KLHL5: variants seen among roughly 807,000 people sequenced by gnomAD.
KLHL5 encodes kelch-like protein 5.
In KLHL5, 48 loss-of-function variants were observed where a neutral mutation model predicts 77.7. That is an observed-to-expected ratio of 0.62 (90% CI 0.49 to 0.79). KLHL5 has a LOEUF of 0.79. Among genes scored for constraint, KLHL5 ranks in the 30% least tolerant of loss-of-function variants. The probability of loss-of-function intolerance (pLI) is 0.00; values close to 1 mark genes in which losing one functional copy is unlikely to be tolerated. For synonymous variants in KLHL5, 260 were observed against 297.0 expected (o/e 0.88, Z 1.28); for missense variants, 723 against 859.7 (o/e 0.84, Z 1.99).
chr4:39,046,759 G>T (rs930876125), intron 1 of KLHL5, among the ~76,000 whole-genome samples: 2 of 152,068 alleles, frequency 1.3e-5, no homozygotes. Context: ...TCTTTAAAAC[G>T]CCCCTAAGGA....
In KLHL5 at chr4:39,125,593, C is replaced by T. The variant is rs1723493184; in HGVS notation, c.*4527C>T. ...TTTTTGCCAAGTGAAAGAAGGCAGA[C>T]ACAAAAGGCAACGTATTGCATGAGT... On this transcript the variant is annotated 3_prime_UTR_variant, in exon 11 of 11. Coordinates refer to ENST00000504108, the MANE Select transcript of KLHL5 (RefSeq NM_015990.5). Among the ~76,000 whole-genome samples the T allele has an allele frequency of 6.6e-6, 1 of 152,076 alleles. No individual in the cohort carries two copies. The highest frequency in any genetic ancestry group is 1.5e-5 in the Non-Finnish European group (1 of 68,030).
chr4:39,064,023 CT>C (rs1293304495), intron 1 of KLHL5, among the ~76,000 whole-genome samples: 2 of 152,084 alleles, frequency 1.3e-5, no homozygotes, highest in African/African-American at 4.8e-5. Flanking sequence ...CTTAAAATTT[CT>C]GTGCAGCTTT....
intron 10 of KLHL5, among the ~76,000 whole-genome samples, chr4:39,120,786 G>C (rs950875960): frequency 6.6e-6 from 1 of 152,186 alleles, no homozygotes; most frequent in Non-Finnish European, 1.5e-5. Context: ...AAGAATGAAT[G>C]CTACACAATC....
intron 1 of KLHL5, among the ~76,000 whole-genome samples, chr4:39,074,106 A>G (rs543161808): frequency 3.3e-5 from 5 of 152,288 alleles, no homozygotes; most frequent in South Asian, 4.1e-4. Flanking sequence ...ATGATCTTAA[A>G]TGTGAAGTTG....
At chr4:39,126,249 G>A (rs1219054403), downstream of KLHL5, among the ~76,000 whole-genome samples, 1 of 152,148 alleles carries the variant, frequency 6.6e-6, no homozygotes, top group Non-Finnish European at 1.5e-5. Context: ...TAATACTCAT[G>A]TAATATTTTT....
chr4:39,101,877 TACAC>T lies in KLHL5; in HGVS notation c.1301-1394_1301-1391del, dbSNP rs57547974. Among the ~76,000 whole-genome samples, 37 of 108,544 alleles carry T rather than the reference TACAC, an allele frequency of 3.4e-4. 1 individual carries two copies. In the Admixed American group the frequency reaches 3.5e-3, roughly 10 times the overall value. 71.2% of individuals were successfully genotyped at this position (108,544 alleles called of 152,430 possible). A position where few individuals can be genotyped will look rare whatever the true frequency, so the allele number is the denominator to read the frequency against. ...AAAAAAAAATATATATATATATATA[TACAC>T]ACACACACACACACATATACACACA... is the stretch of plus-strand genomic sequence containing the variant. On this transcript the variant is annotated intron_variant, in intron 6 of 10. Transcript: ENST00000504108.
downstream of KLHL5, chr4:39,126,579 C>T: frequency 5.4e-6 from 2 of 369,930 alleles, no homozygotes; most frequent in South Asian, 2.1e-5. Flanking sequence ...ATCTAGAAAG[C>T]AAACCCAGGG....
At chr4:39,117,565 T>G (rs1344709016) in intron 10 of KLHL5, among the ~76,000 whole-genome samples, 2 of 152,142 alleles carry the variant, frequency 1.3e-5, no homozygotes, top group African/African-American at 4.8e-5. Context: ...TTTCTTTATA[T>G]ACACACACTT....
chr4:39,094,430 T>C (rs907844950), intron 5 of KLHL5, among the ~76,000 whole-genome samples: 1 of 151,212 alleles, frequency 6.6e-6, no homozygotes, highest in Non-Finnish European at 1.5e-5. Context: ...ATAAAATTAA[T>C]AAATTTAATT....
intron 1 of KLHL5, among the ~76,000 whole-genome samples, chr4:39,056,745 T>A (rs2566122): frequency 3.3e-5 from 5 of 152,058 alleles, no homozygotes; most frequent in East Asian, 1.9e-4. Flanking sequence ...GTCTAAAGCC[T>A]CACTCAATCC....
At chr4:39,064,914 A>C (rs1177098591) in intron 1 of KLHL5, among the ~76,000 whole-genome samples, 4 of 151,942 alleles carry the variant, frequency 2.6e-5, no homozygotes, top group Non-Finnish European at 5.9e-5. Flanking sequence ...ACTCAAGAAG[A>C]CTCATCAAAG....
At chr4:39,136,969 G>T in the KLHL5 span, among the ~76,000 whole-genome samples, 1 of 152,172 alleles carries the variant, frequency 6.6e-6, no homozygotes, top group East Asian at 1.9e-4. Flanking sequence ...AGCAGAAATT[G>T]GAGATTGTTT....
At position 39,113,173 on chromosome 4, in the gene KLHL5, A is replaced by AG. The variant is rs766241928; in HGVS notation, c.1848dup (p.His617AlafsTer20). ...CCTGGAATGGACTGCTGTATGCTAT[A>AG]GGGGGGCACGATGCTCCCGCATCCA... On this transcript the variant is annotated frameshift_variant, in exon 9 of 11. Coordinates refer to ENST00000504108, the MANE Select transcript of KLHL5 (RefSeq NM_015990.5). LOFTEE classifies it high-confidence loss of function. The AG allele has an allele frequency of 4.3e-6, 7 of 1,613,988 alleles. No individual in the cohort carries two copies. In the East Asian group the frequency reaches 1.3e-4, roughly 31 times the overall value.
intron 5 of KLHL5, among the ~76,000 whole-genome samples, chr4:39,092,078 G>A (rs7356452): frequency 0.021 from 3,125 of 152,022 alleles, 115 homozygotes; most frequent in African/African-American, 0.071. Flanking sequence ...GTCATAAGGT[G>A]AACAAATACG....
chr4:39,141,103 G>C, the KLHL5 span, among the ~76,000 whole-genome samples: 1 of 151,818 alleles, frequency 6.6e-6, no homozygotes, highest in African/African-American at 2.4e-5. Context: ...AAGGAGACAG[G>C]GTCAAAGGAA....
chr4:39,087,545 T>C (rs997986655), intron 5 of KLHL5, among the ~76,000 whole-genome samples: 2 of 152,174 alleles, frequency 1.3e-5, no homozygotes, highest in Non-Finnish European at 2.9e-5. Flanking sequence ...ATTATAAGGA[T>C]CAGAAACATG....
intron 9 of KLHL5, 137 bp from the exon 10 acceptor site, chr4:39,115,022 T>G: frequency 1.3e-6 from 1 of 769,080 alleles, no homozygotes; most frequent in Non-Finnish European, 2.0e-6. Context: ...AATACTGATA[T>G]TTTTCTCTAA....
chr4:39,105,614 G>A (rs1721964328), intron 7 of KLHL5, among the ~76,000 whole-genome samples: 2 of 150,540 alleles, frequency 1.3e-5, no homozygotes, highest in Non-Finnish European at 3.0e-5. Context: ...TATTATATAT[G>A]TATATTTTAA....
intron 5 of KLHL5, among the ~76,000 whole-genome samples, chr4:39,093,905 C>CA (rs966964477): frequency 1.1e-3 from 140 of 127,424 alleles, no homozygotes; most frequent in African/African-American, 2.8e-3. Flanking sequence ...CTTCCCGTCT[C>CA]AAAAAAAAAA....
Sources: gnomAD v4.1 joint callset for allele counts (sites outside exome capture counted in the v4.1 genomes callset) on GRCh38, gnomAD v4.1.1 for gene constraint, MANE v1.5 for transcripts, NCBI Gene and HGNC (gene_info 2026-07-23, HGNC 2026-07-21) for gene names.